The following SAP130 variants were observed in gnomAD, a reference collection of about 807,000 sequenced individuals.
SAP130 encodes the protein Sin3A associated protein 130.
In SAP130, 16 loss-of-function variants were observed where a neutral mutation model predicts 103.2. The observed-to-expected ratio is 0.16, with a 90% CI of 0.10 to 0.24. The LOEUF is 0.24. Among genes scored for constraint, SAP130 ranks in the 10% least tolerant of loss-of-function variants. The pLI, the probability that SAP130 is intolerant of heterozygous loss-of-function variation, is 1.00. For missense variants in SAP130, 990 were observed against 1,359.7 expected (o/e 0.73, Z 4.28); for synonymous variants, 477 against 497.0 (o/e 0.96, Z 0.53).
intron 14 of SAP130, among the ~76,000 whole-genome samples, chr2:127,982,549 A>C (rs2104958747): frequency 6.6e-6 from 1 of 152,310 alleles, no homozygotes; most frequent in African/African-American, 2.4e-5. Context: ...GAAGCCTGGG[A>C]GTTTTGAGAG....
rs778613132 is a variant in SAP130, at chr2:127,996,453, G to A, written c.1252C>T (p.Arg418Trp). Residue 418 changes from arginine to tryptophan, a missense_variant, in exon 11 of 21, where the codon CGG becomes TGG. Transcript: ENST00000643581. This position sits in a 1 kb window ranked among gnomAD's most constrained non-coding sequence, Gnocchi z 4.3. ...VPQQITHTSP[R>W]IQPDYPAERS... The stretch of plus-strand genomic sequence containing the variant: ...TCGGCAGGGTAGTCTGGCTGGATCC[G>A]AGGAGAAGTGTGCGTGATCTGCTGG... The A allele has an allele frequency of 3.1e-6, 5 of 1,601,418 alleles. No individual in the cohort carries two copies. The highest frequency in any genetic ancestry group is 3.4e-5 in the Admixed American group (2 of 58,232).
chr2:127,962,890 TA>T (rs35303245), intron 15 of SAP130, among the ~76,000 whole-genome samples: 29,678 of 140,154 alleles, frequency 0.21, 3,463 homozygotes, highest in South Asian at 0.41. Flanking sequence ...ATAATAAAAT[TA>T]AAAAAAAAAA....
chr2:127,952,450 TAA>T (rs57007168), intron 16 of SAP130, among the ~76,000 whole-genome samples: 108,404 of 140,520 alleles, frequency 0.77, 42,766 homozygotes, highest in Non-Finnish European at 0.86. Context: ...AACTCCATCT[TAA>T]AAAAAAAAAA....
chr2:127,998,361 G>A (rs566082029), intron 10 of SAP130, among the ~76,000 whole-genome samples: 1 of 152,276 alleles, frequency 6.6e-6, no homozygotes, highest in African/African-American at 2.4e-5. Flanking sequence ...TGATTTATTA[G>A]GCTTTTTTTC....
chr2:127,978,864 A>T (rs1681660010), intron 14 of SAP130, among the ~76,000 whole-genome samples: 1 of 152,196 alleles, frequency 6.6e-6, no homozygotes, highest in East Asian at 1.9e-4. Flanking sequence ...ATCAGATCAA[A>T]CCTTCAGAGT....
At chr2:127,999,994 TTA>T (rs1683437875) in intron 9 of SAP130, 60 bp downstream of exon 9, 1 of 1,532,312 alleles carries the variant, frequency 6.5e-7, no homozygotes. Flanking sequence ...AAATGAAAAA[TTA>T]ACCCATCACT....
intron 15 of SAP130, among the ~76,000 whole-genome samples, chr2:127,959,824 A>T (rs1460730506): frequency 1.3e-5 from 2 of 151,734 alleles, no homozygotes. Flanking sequence ...AAAACTTAGT[A>T]AAAAAAAACC....
At chr2:128,011,831 G>T (rs912894297) in intron 6 of SAP130, among the ~76,000 whole-genome samples, 1 of 152,076 alleles carries the variant, frequency 6.6e-6, no homozygotes, top group Non-Finnish European at 1.5e-5. Context: ...TATTTTTTGT[G>T]AGATGGAGTC....
intron 15 of SAP130, among the ~76,000 whole-genome samples, chr2:127,967,801 C>T (rs1219094690): frequency 6.6e-6 from 1 of 152,192 alleles, no homozygotes; most frequent in Admixed American, 6.5e-5. Context: ...CTAGACCTAA[C>T]AGATATATAG....
intron 18 of SAP130, 78 bp downstream of exon 18, chr2:127,949,791 T>C: frequency 6.9e-7 from 1 of 1,450,616 alleles, no homozygotes; most frequent in Non-Finnish European, 9.5e-7. Flanking sequence ...AAAATTGTGG[T>C]TCTGTTTTTC....
chr2:128,020,637 G>A (rs946484765), intron 2 of SAP130, among the ~76,000 whole-genome samples: 2 of 152,146 alleles, frequency 1.3e-5, no homozygotes, highest in African/African-American at 2.4e-5. Context: ...GTGAACATAT[G>A]TACCACTTCT....
intron 2 of SAP130, among the ~76,000 whole-genome samples, chr2:128,019,411 G>A (rs1685000756): frequency 6.6e-6 from 1 of 152,230 alleles, no homozygotes; most frequent in African/African-American, 2.4e-5. Flanking sequence ...AAGACTACAG[G>A]CACATGCCAC....
At chr2:127,998,604 A>C (rs1056772718) in intron 10 of SAP130, among the ~76,000 whole-genome samples, 1 of 152,228 alleles carries the variant, frequency 6.6e-6, no homozygotes, top group Non-Finnish European at 1.5e-5. Flanking sequence ...AGAGAAAAAC[A>C]AAATGACAGC....
At chr2:128,016,579 A>C (rs1168128889) in intron 3 of SAP130, 32 bp from the exon 4 acceptor site, 2 of 1,591,364 alleles carry the variant, frequency 1.3e-6, no homozygotes, top group Admixed American at 1.7e-5. Context: ...AAACATATCA[A>C]TGGCCTCATA....
chr2:128,014,858 G>C lies in SAP130; in HGVS notation c.564C>G (p.Ile188Met). ...IMTTNVQMSI[I>M]RSNAPGPPLH... ...GAGGGGGCCCAGGAGCATTGCTGCGGATGATAGACATTTGCACATTTGTAG... is the reference window on the plus strand; with the variant it reads ...GAGGGGGCCCAGGAGCATTGCTGCGCATGATAGACATTTGCACATTTGTAG... The change falls in exon 5 of 21, where the codon ATC (isoleucine) becomes ATG (methionine). Residue 188 changes from isoleucine (I) to methionine (M), a missense_variant. Physicochemically the swap from Ile to Met is conservative, Grantham distance 10. This residue lies in a region of SAP130 where 336 missense variants were observed against 520.1 expected (regional missense o/e 0.65). Coordinates refer to ENST00000643581, the MANE Select transcript of SAP130 (RefSeq NM_001330301.2). 1 of 1,614,198 alleles carries C rather than the reference G, an allele frequency of 6.2e-7. No homozygotes were observed. The highest frequency in any genetic ancestry group is 8.5e-7 in the Non-Finnish European group (1 of 1,180,022).
chr2:128,021,081 T>C (rs1012247306), intron 2 of SAP130, among the ~76,000 whole-genome samples: 3 of 152,148 alleles, frequency 2.0e-5, no homozygotes, highest in Non-Finnish European at 4.4e-5. Flanking sequence ...TATTTCCAAA[T>C]TTTTGCTTTT....
At chr2:127,964,918 G>C (rs1230832177) in intron 15 of SAP130, among the ~76,000 whole-genome samples, 3 of 150,892 alleles carry the variant, frequency 2.0e-5, no homozygotes, top group Admixed American at 1.3e-4. Context: ...AGAATCACTT[G>C]AACCCGGGAG....
intron 7 of SAP130, among the ~76,000 whole-genome samples, chr2:128,006,658 C>T (rs537496776): frequency 4.3e-4 from 65 of 152,118 alleles, no homozygotes; most frequent in Middle Eastern, 3.4e-3. Context: ...GGCACGTGCC[C>T]GTAGTCCCAG....
In SAP130 at chr2:127,941,781, C is replaced by T; in HGVS notation, c.*225G>A. On this transcript the variant is annotated 3_prime_UTR_variant, in exon 21 of 21. Transcript: ENST00000643581. ...ATCCGGAGTCACTTATGACACAGATCAGGTTTAACAGGGGTGCACCCGAAC... is the reference window on the plus strand; with the variant it reads ...ATCCGGAGTCACTTATGACACAGATTAGGTTTAACAGGGGTGCACCCGAAC... The T allele has an allele frequency of 1.9e-6, 1 of 529,452 alleles. No homozygotes were observed. The highest frequency in any genetic ancestry group is 3.5e-5 in the East Asian group (1 of 28,900). The allele number at this position is 529,452 out of a possible 1,614,324, so 32.8% of individuals were successfully genotyped here. A position where few individuals can be genotyped will look rare whatever the true frequency, so the allele number is the denominator to read the frequency against.
Sources: gnomAD v4.1 joint callset for allele counts (sites outside exome capture counted in the v4.1 genomes callset) on GRCh38, gnomAD v4.1.1 for gene constraint, gnomAD v4.1.1 regional missense constraint, Gnocchi (gnomAD v3.1) non-coding constraint, MANE v1.5 for transcripts, NCBI Gene and HGNC (gene_info 2026-07-23, HGNC 2026-07-21) for gene names.